KLF18: variants seen among roughly 807,000 people sequenced by gnomAD.
KLF18 encodes the protein Kruppel-like factor 18.
chr1:44,138,236 GA>G (rs1024488730), intron 1 of KLF18, among the ~76,000 whole-genome samples: 2 of 151,498 alleles, frequency 1.3e-5, no homozygotes, highest in South Asian at 2.1e-4. Context: ...AAAGGAAGAA[GA>G]AAAAAAACAA....
At position 44,139,176 on chromosome 1, in the gene KLF18, T is replaced by C. The variant is rs1643202280; in HGVS notation, c.2456A>G (p.Gln819Arg). 1 of 394,282 alleles carries C rather than the reference T, an allele frequency of 2.5e-6. No homozygotes were observed. Among genetic ancestry groups the C allele is most frequent in the African/African-American group, 2.1e-5 (1 of 47,274 alleles). 24.4% of individuals were successfully genotyped at this position (394,282 alleles called of 1,614,324 possible). ...RGQITTSTSN[Q>R]TLCGEQMTTS... ...CGTCATCTGCTCTCCACAGAGGGTC[T>C]GGTTACTAGTGGAGGTCGTGATCTG... Residue 819 changes from glutamine to arginine, a missense_variant, in exon 1 of 2, where the codon CAG (glutamine) becomes CGG (arginine). By Grantham distance (43) the Gln-to-Arg change is conservative. Coordinates refer to ENST00000634670, the MANE Select transcript of KLF18 (RefSeq NM_001358438.1).
rs1169186436 is a variant in KLF18, at chr1:44,138,877, T to G, written c.2755A>C (p.Met919Leu). The part of the protein sequence containing the change: ...DDHSLYGGYM[M>L]SHQFSSLPYP... ...GGCAATGATGAGAACTGATGGGACATCATATATCCCCCATAAAGGCTGTGG... is the reference window on the plus strand; with the variant it reads ...GGCAATGATGAGAACTGATGGGACAGCATATATCCCCCATAAAGGCTGTGG... Residue 919 changes from methionine (M) to leucine (L), a missense_variant, in exon 1 of 2, where the codon ATG becomes CTG. Coordinates refer to ENST00000634670, the MANE Select transcript of KLF18 (RefSeq NM_001358438.1). The G allele has an allele frequency of 5.0e-6, 2 of 398,492 alleles. No individual in the cohort carries two copies. The highest frequency in any genetic ancestry group is 8.8e-6 in the Non-Finnish European group (2 of 226,074). The allele number at this position is 398,492 out of a possible 1,614,324, so 24.7% of individuals were successfully genotyped here.
At position 44,140,938 on chromosome 1, in the gene KLF18, T is replaced by A. The variant is rs570668755; in HGVS notation, c.694A>T (p.Thr232Ser). 6.8e-5 allele frequency: 27 copies of A among 398,566 alleles called. No homozygotes were observed. The East Asian group carries it at 8.9e-4, about 13-fold the overall frequency. The allele number at this position is 398,566 out of a possible 1,614,324, so 24.7% of individuals were successfully genotyped here. Residue 232 changes from threonine to serine, a missense_variant, in exon 1 of 2, where the codon ACC becomes TCC. Transcript: ENST00000634670. ...GQMMTSIDNQ[T>S]LCGEQMTTSS... Reference sequence around the variant, plus strand: ...GTCGTCATCTGCTCCCCACAGAGGGTCTGGTTATCAATGGAAGTCATCATT... The same window carrying A: ...GTCGTCATCTGCTCCCCACAGAGGGACTGGTTATCAATGGAAGTCATCATT...
Position 44,141,420 on chromosome 1 carries a change from G to A in KLF18, c.212C>T (p.Thr71Ile). 1 of 398,602 alleles carries A rather than the reference G, an allele frequency of 2.5e-6. No homozygotes were observed. Among genetic ancestry groups the A allele is most frequent in the Non-Finnish European group, 4.4e-6 (1 of 226,106 alleles). 24.7% of individuals were successfully genotyped at this position (398,602 alleles called of 1,614,324 possible). ...GGTGAGAACTGTCCCAGGGATGTTAGTGCATGCAGAAGTCATCATTGTGGA... is the reference window on the plus strand; with the variant it reads ...GGTGAGAACTGTCCCAGGGATGTTAATGCATGCAGAAGTCATCATTGTGGA... ...LGSTMMTSAC[T>I]NIPGTVLTQD... The change falls in exon 1 of 2, where the codon ACT becomes ATT. Residue 71 changes from threonine (T) to isoleucine (I), a missense_variant. Physicochemically the swap from Thr to Ile is moderately conservative, Grantham distance 89. Coordinates refer to ENST00000634670, the MANE Select transcript of KLF18 (RefSeq NM_001358438.1).
In KLF18 at chr1:44,140,426, G is replaced by A. The variant is rs1365584961; in HGVS notation, c.1206C>T (p.Tyr402=). 64 of 195,040 alleles carry A rather than the reference G, an allele frequency of 3.3e-4. No individual in the cohort carries two copies. Among genetic ancestry groups the A allele is most frequent in the African/African-American group, 1.1e-4 (1 of 9,246 alleles). The allele number at this position is 195,040 out of a possible 1,614,324, so 12.1% of individuals were successfully genotyped here. The stretch of plus-strand genomic sequence containing the variant: ...CAGTGGAGGTCATCATCTGCCCCCA[G>A]TAGAGGGTCTGGTTACCAGTGGAGG... ...MMTSTGNQTL[Y]WGQMMTSTGN... Residue 402 remains tyrosine, a synonymous_variant, in exon 1 of 2, where the codon TAC becomes TAT. Transcript: ENST00000634670.
intron 1 of KLF18, 67 bp downstream of exon 1, chr1:44,138,597 T>C: frequency 4.5e-6 from 1 of 220,286 alleles, no homozygotes; most frequent in Non-Finnish European, 7.6e-6. Context: ...GGCAGCAATC[T>C]CAAATGCTTC....
At chr1:44,138,374 A>G (rs775923100) in intron 1 of KLF18, among the ~76,000 whole-genome samples, 19 of 152,200 alleles carry the variant, frequency 1.2e-4, no homozygotes, top group Non-Finnish European at 2.5e-4. Flanking sequence ...AAGAACATCT[A>G]CCTGCAAGAG....
chr1:44,138,933 T>C lies in KLF18; in HGVS notation c.2699A>G (p.Gln900Arg), dbSNP rs954996854. 1 of 398,606 alleles carries C rather than the reference T, an allele frequency of 2.5e-6. No individual in the cohort carries two copies. The highest frequency in any genetic ancestry group is 2.1e-5 in the African/African-American group (1 of 48,624). The allele number at this position is 398,606 out of a possible 1,614,324, so 24.7% of individuals were successfully genotyped here. ...TLYGDQMLTL[Q>R]VGNMTTLTDD... Reference sequence around the variant, plus strand: ...AGTGAGCGTTGTCATATTGCCCACCTGAAGAGTCAGCATCTGGTCCCCATA... The same window carrying C: ...AGTGAGCGTTGTCATATTGCCCACCCGAAGAGTCAGCATCTGGTCCCCATA... The change falls in exon 1 of 2, where the codon CAG (glutamine) becomes CGG (arginine). Residue 900 changes from glutamine (Q) to arginine (R), a missense_variant. By Grantham distance (43) the Gln-to-Arg change is conservative. Coordinates refer to ENST00000634670, the MANE Select transcript of KLF18 (RefSeq NM_001358438.1).
Position 44,139,388 on chromosome 1 carries a change from G to A in KLF18, c.2244C>T (p.Asn748=). ...TCATCTGCTCTCCACAGAGGTTCTG[G>A]TTACCAGTGGAGGTCATCATCTGCC... The part of the protein sequence containing the change: ...YWGQMMTSTG[N]QNLCGEQMTT... Residue 748 remains asparagine (N), a synonymous_variant, in exon 1 of 2, where the codon AAC becomes AAT. Transcript: ENST00000634670. The A allele has an allele frequency of 3.8e-6, 1 of 259,974 alleles. No homozygotes were observed. The highest frequency in any genetic ancestry group is 2.3e-5 in the African/African-American group (1 of 43,320). The allele number at this position is 259,974 out of a possible 1,614,324, so 16.1% of individuals were successfully genotyped here.
Position 44,137,892 on chromosome 1 carries a change from T to A in KLF18, c.3088A>T (p.Ser1030Cys). Residue 1030 changes from serine (S) to cysteine (C), a missense_variant, in exon 2 of 2, where the codon AGC (serine) becomes TGC (cysteine). By Grantham distance (112) the Ser-to-Cys change is moderately radical. Coordinates refer to ENST00000634670, the MANE Select transcript of KLF18 (RefSeq NM_001358438.1). ...GERPYLCSIC[S>C]KNFARSDHLK... ...TGATCAGATCTTGCAAAATTCTTGC[T>A]GCATATTGAACACAGGTAGGGCCTT... The A allele has an allele frequency of 5.0e-6, 2 of 398,630 alleles. No individual in the cohort carries two copies. The highest frequency in any genetic ancestry group is 8.8e-6 in the Non-Finnish European group (2 of 226,090). 24.7% of individuals were successfully genotyped at this position (398,630 alleles called of 1,614,324 possible).
In KLF18 at chr1:44,139,118, CT is replaced by C. The variant is rs1643199798; in HGVS notation, c.2513del (p.Glu838GlyfsTer3). ...TSTSNQTLCG[E>X]QVTTSTGNQA... ...GGTTACCAGTGGAGGTCGTCACCTG[CT>C]CCCCACAGAGGGTCTGGTTACTAGT... On this transcript the variant is annotated frameshift_variant, in exon 1 of 2. Transcript: ENST00000634670. LOFTEE classifies it high-confidence loss of function. The C allele has an allele frequency of 5.1e-6, 2 of 395,762 alleles. No individual in the cohort carries two copies. The highest frequency in any genetic ancestry group is 7.2e-5 in the East Asian group (2 of 27,722). The allele number at this position is 395,762 out of a possible 1,614,324, so 24.5% of individuals were successfully genotyped here.
Position 44,140,736 on chromosome 1 carries a change from C to A in KLF18, c.896G>T (p.Ser299Ile). Residue 299 changes from serine (S) to isoleucine (I), a missense_variant, in exon 1 of 2, where the codon AGT becomes ATT. Coordinates refer to ENST00000634670, the MANE Select transcript of KLF18 (RefSeq NM_001358438.1). Reference sequence around the variant, plus strand: ...TTGCTCCCCACAGAGGGTCTGGTTACTAGTGGAGGTTGTCATCTGCTCTCC... The same window carrying A: ...TTGCTCCCCACAGAGGGTCTGGTTAATAGTGGAGGTTGTCATCTGCTCTCC... ...LCGEQMTTST[S>I]NQTLCGEQVM... 5.0e-6 allele frequency: 2 copies of A among 396,090 alleles called. No individual in the cohort carries two copies. The highest frequency in any genetic ancestry group is 7.2e-5 in the East Asian group (2 of 27,892). The allele number at this position is 396,090 out of a possible 1,614,324, so 24.5% of individuals were successfully genotyped here.
rs1643239316 is a variant in KLF18 at position 44,141,464 on chromosome 1, C to A, written c.168G>T (p.Lys56Asn). The change falls in exon 1 of 2, where the codon AAG becomes AAT. Residue 56 changes from lysine to asparagine, a missense_variant. Lys to Asn is a moderately conservative substitution (Grantham distance 94). Transcript: ENST00000634670. ...TTGTGGACCCCAAGGGAGGCATCGT[C>A]TTGCTCTGGGTTGACTCATGTTGGC... Reference protein sequence around the residue: ...EESQHESTQSKTMPPLGSTMM... With the variant: ...EESQHESTQSNTMPPLGSTMM... 2.5e-6 allele frequency: 1 copy of A among 398,678 alleles called. No homozygotes were observed. 24.7% of individuals were successfully genotyped at this position (398,678 alleles called of 1,614,324 possible).
Position 44,139,152 on chromosome 1 carries a change from G to T in KLF18, c.2480C>A (p.Thr827Lys), listed in dbSNP as rs892612692. 4 of 392,666 alleles carry T rather than the reference G, an allele frequency of 1.0e-5. No homozygotes were observed. Among genetic ancestry groups the T allele is most frequent in the Non-Finnish European group, 1.8e-5 (4 of 224,642 alleles). The allele number at this position is 392,666 out of a possible 1,614,324, so 24.3% of individuals were successfully genotyped here. ...SNQTLCGEQM[T>K]TSTSNQTLCG... ...GAGGGTCTGGTTACTAGTGGAGGTC[G>T]TCATCTGCTCTCCACAGAGGGTCTG... The change falls in exon 1 of 2, where the codon ACG (threonine) becomes AAG (lysine). Residue 827 changes from threonine (T) to lysine (K), a missense_variant. Coordinates refer to ENST00000634670, the MANE Select transcript of KLF18 (RefSeq NM_001358438.1).
In KLF18 at chr1:44,138,648, C is replaced by A; in HGVS notation, c.2968+16G>T. The A allele has an allele frequency of 2.5e-6, 1 of 398,512 alleles. No homozygotes were observed. Among genetic ancestry groups the A allele is most frequent in the South Asian group, 1.3e-4 (1 of 7,802 alleles). 24.7% of individuals were successfully genotyped at this position (398,512 alleles called of 1,614,324 possible). On this transcript the variant is annotated intron_variant, in intron 1 of 1. Coordinates refer to ENST00000634670, the MANE Select transcript of KLF18 (RefSeq NM_001358438.1). ...AGCCACTTGCCCCTCACCCCTGTTT[C>A]TGGGCCCTCACTCACCGGTGTGCTT...
chr1:44,140,636 A>G lies in KLF18; in HGVS notation c.996T>C (p.Tyr332=), dbSNP rs1469355887. ...CAGTGGAGGTCATCATCTGCCCCCCATAGAGGTTCTGGTTACCAGTGGAGG... is the reference window on the plus strand; with the variant it reads ...CAGTGGAGGTCATCATCTGCCCCCCGTAGAGGTTCTGGTTACCAGTGGAGG... ...MTTSTGNQNL[Y]GGQMMTSTGN... Residue 332 remains tyrosine (Y), a synonymous_variant, in exon 1 of 2, where the codon TAT becomes TAC. Transcript: ENST00000634670. 2.7e-6 allele frequency: 1 copy of G among 363,878 alleles called. No homozygotes were observed. Among genetic ancestry groups the G allele is most frequent in the African/African-American group, 2.5e-5 (1 of 39,510 alleles). 22.5% of individuals were successfully genotyped at this position (363,878 alleles called of 1,614,324 possible). A position where few individuals can be genotyped will look rare whatever the true frequency, so the allele number is the denominator to read the frequency against.
rs556771717 is a variant in KLF18, at chr1:44,139,458, C to G, written c.2174G>C (p.Gly725Ala). ...ACCAGTGGAGGTCATCATCTGCCCC[C>G]CATAGAGGGCCTGGTTACCAGTGGA... Reference protein sequence around the residue: ...TTSTGNQALYGGQMMTSTGNQ... With the variant: ...TTSTGNQALYAGQMMTSTGNQ... Residue 725 changes from glycine to alanine, a missense_variant, in exon 1 of 2, where the codon GGG becomes GCG. By Grantham distance (60) the Gly-to-Ala change is moderately conservative. Transcript: ENST00000634670. 2.3e-5 allele frequency: 8 copies of G among 347,748 alleles called. No homozygotes were observed. The East Asian group carries it at 2.5e-4, about 11-fold the overall frequency. 21.5% of individuals were successfully genotyped at this position (347,748 alleles called of 1,614,324 possible).
At position 44,140,828 on chromosome 1, in the gene KLF18, G is replaced by A. The variant is rs1643232489; in HGVS notation, c.804C>T (p.Thr268=). 1 of 398,352 alleles carries A rather than the reference G, an allele frequency of 2.5e-6. No individual in the cohort carries two copies. The highest frequency in any genetic ancestry group is 4.4e-6 in the Non-Finnish European group (1 of 226,124). 24.7% of individuals were successfully genotyped at this position (398,352 alleles called of 1,614,324 possible). The part of the protein sequence containing the change: ...NQTLCGEQMT[T]STGNQALYGG... ...CATAGAGGGCCTGGTTACCAGTGGA[G>A]GTTGTCATCTGCTCTCCACAGAGGG... Residue 268 remains threonine (T), a synonymous_variant, in exon 1 of 2, where the codon ACC becomes ACT. Transcript: ENST00000634670.
chr1:44,138,679 T>A lies in KLF18; in HGVS notation c.2953A>T (p.Met985Leu), dbSNP rs1314709086. ...CCTCACTCACCGGTGTGCTTGCGCA[T>A]GTGGGTTCGGAGGTGGCAAGCCTTT... The part of the protein sequence containing the change: ...YSKACHLRTH[M>L]RKHTGEKPYV... The change falls in exon 1 of 2, where the codon ATG becomes TTG. Residue 985 changes from methionine (M) to leucine (L), a missense_variant. Transcript: ENST00000634670. 1 of 398,476 alleles carries A rather than the reference T, an allele frequency of 2.5e-6. No homozygotes were observed. Among genetic ancestry groups the A allele is most frequent in the Non-Finnish European group, 4.4e-6 (1 of 226,066 alleles). 24.7% of individuals were successfully genotyped at this position (398,476 alleles called of 1,614,324 possible).
Sources: allele counts gnomAD v4.1 joint callset (sites outside exome capture counted in the v4.1 genomes callset), GRCh38; gene constraint gnomAD v4.1.1; transcripts MANE v1.5; gene names NCBI Gene and HGNC (gene_info 2026-07-23, HGNC 2026-07-21).